The following EPHA6 variants were observed in gnomAD, a reference collection of about 807,000 sequenced individuals.
EPHA6 encodes ephrin type-A receptor 6.
A neutral mutation model predicts 112.0 loss-of-function variants in EPHA6; 50 were observed. The ratio of observed to expected loss-of-function variants is 0.45; its 90% CI spans 0.36 to 0.56. The LOEUF is 0.56. EPHA6 is among the 20% of genes least tolerant of loss of function. The pLI is 0.00. For missense variants in EPHA6, 1,280 were observed against 1,417.4 expected (o/e 0.90, Z 1.56); for synonymous variants, 529 against 490.7 (o/e 1.08, Z -1.03).
At chr3:97,213,211 G>A (rs190910897) in intron 3 of EPHA6, among the ~76,000 whole-genome samples, 115 of 152,228 alleles carry the variant, frequency 7.6e-4, no homozygotes, top group African/African-American at 2.6e-3. Flanking sequence ...GAAGGCTGAG[G>A]CTTTATTTCC....
intron 14 of EPHA6, among the ~76,000 whole-genome samples, chr3:97,686,416 G>T (rs2032254915): frequency 6.6e-6 from 1 of 152,038 alleles, no homozygotes; most frequent in Non-Finnish European, 1.5e-5. Context: ...GAGATAAACA[G>T]AAATAAGATC....
At chr3:97,481,552 G>A (rs878977398) in intron 9 of EPHA6, 7 of 719,672 alleles carry the variant, frequency 9.7e-6, no homozygotes, top group South Asian at 5.6e-5. Context: ...TAGAGCCGCC[G>A]GGGCGCGGCG....
At position 96,947,864 on chromosome 3, in the gene EPHA6, C is replaced by T. The variant is rs141286727; in HGVS notation, c.451-39466C>T. On this transcript the variant is annotated intron_variant, in intron 2 of 17. Coordinates refer to ENST00000389672, the MANE Select transcript of EPHA6 (RefSeq NM_001080448.3). ...ATTCAATGCCATCCCCATCAAGCTA[C>T]CAATGACTTTCTTCACAGAATTGGA... Among the ~76,000 whole-genome samples the T allele has an allele frequency of 2.2e-4, 33 of 152,248 alleles. No homozygotes were observed. The East Asian group carries it at 6.4e-3, about 29-fold the overall frequency.
rs149056951 is a variant in EPHA6 at position 97,142,892 on chromosome 3, G to A, written c.1115-83372G>A. Among the ~76,000 whole-genome samples, 701 of 151,908 alleles carry A rather than the reference G, an allele frequency of 4.6e-3. 3 individuals carry two copies. The highest frequency in any genetic ancestry group is 6.2e-3 in the Non-Finnish European group (418 of 67,786). On this transcript the variant is annotated intron_variant, in intron 3 of 17. Transcript: ENST00000389672. ...AGAACATCATACTGAATTGAGAAAA[G>A]CTGAAATAATTTCCTCTGAGAACCG...
intron 2 of EPHA6, among the ~76,000 whole-genome samples, chr3:96,961,948 G>T (rs926883156): frequency 1.3e-5 from 2 of 152,152 alleles, no homozygotes; most frequent in Non-Finnish European, 2.9e-5. Flanking sequence ...CTGCAGTAAA[G>T]GGTGCTTTAT....
At chr3:97,480,557 A>G (rs2091503242) in intron 9 of EPHA6, among the ~76,000 whole-genome samples, 1 of 152,220 alleles carries the variant, frequency 6.6e-6, no homozygotes, top group South Asian at 2.1e-4. Flanking sequence ...GGGTAAGGTT[A>G]TAGATTAACA....
At chr3:96,956,411 G>A (rs146479427) in intron 2 of EPHA6, among the ~76,000 whole-genome samples, 1 of 152,302 alleles carries the variant, frequency 6.6e-6, no homozygotes, top group African/African-American at 2.4e-5. Flanking sequence ...GGAAACAATA[G>A]CACACTTACC....
In EPHA6 at chr3:97,105,600, T is replaced by G. The variant is rs530112918; in HGVS notation, c.1114+117607T>G. 1.1e-3 allele frequency among the ~76,000 whole-genome samples: 161 copies of G among 152,258 alleles called. 1 individual carries two copies. The highest frequency in any genetic ancestry group is 3.7e-3 in the African/African-American group (152 of 41,560). On this transcript the variant is annotated intron_variant, in intron 3 of 17. Transcript: ENST00000389672. Reference sequence around the variant, plus strand: ...GTGATCAGTTTTAGAGTATGTGCCATGTGACAATGAGAAGAATGTATATTC... The same window carrying G: ...GTGATCAGTTTTAGAGTATGTGCCAGGTGACAATGAGAAGAATGTATATTC...
intron 3 of EPHA6, among the ~76,000 whole-genome samples, chr3:97,218,097 C>A (rs923187697): frequency 1.3e-5 from 2 of 152,020 alleles, no homozygotes; most frequent in African/African-American, 4.8e-5. Context: ...TATGGCAAAA[C>A]CCCCTCTCTA....
intron 4 of EPHA6, among the ~76,000 whole-genome samples, chr3:97,240,640 T>A (rs1390999156): frequency 4.0e-5 from 6 of 151,830 alleles, no homozygotes; most frequent in Non-Finnish European, 8.8e-5. Context: ...CATAAATCTG[T>A]ACTGGTTGAT....
rs1426095890 is a variant in EPHA6 at position 97,699,959 on chromosome 3, A to G, written c.2785-20302A>G. ...CAAGTTCCCTGGAAAACAGAACTTC[A>G]GAATTTTAAATGATGATGCTTTATT... is the stretch of plus-strand genomic sequence containing the variant. On this transcript the variant is annotated intron_variant, in intron 14 of 17. Coordinates refer to ENST00000389672, the MANE Select transcript of EPHA6 (RefSeq NM_001080448.3). 5.3e-5 allele frequency among the ~76,000 whole-genome samples: 8 copies of G among 152,262 alleles called. No homozygotes were observed. In the East Asian group the frequency reaches 1.5e-3, roughly 29 times the overall value.
chr3:96,903,651 A>G (rs1272413768), intron 2 of EPHA6, among the ~76,000 whole-genome samples: 1 of 152,140 alleles, frequency 6.6e-6, no homozygotes, highest in African/African-American at 2.4e-5. Context: ...TTTTAGAGAA[A>G]TAGTTTTGCA....
At chr3:97,129,386 C>A (rs1428466940) in intron 3 of EPHA6, among the ~76,000 whole-genome samples, 1 of 151,930 alleles carries the variant, frequency 6.6e-6, no homozygotes, top group Non-Finnish European at 1.5e-5. Context: ...CCTGTAGTCC[C>A]AGCTACTCAG....
intron 5 of EPHA6, among the ~76,000 whole-genome samples, chr3:97,314,928 G>A (rs2081745021): frequency 6.6e-6 from 1 of 151,380 alleles, no homozygotes; most frequent in Admixed American, 6.6e-5. Context: ...GTGTTTCATT[G>A]GCAGCACAGA....
At chr3:97,336,324 G>A (rs1288528689) in intron 5 of EPHA6, among the ~76,000 whole-genome samples, 5 of 152,156 alleles carry the variant, frequency 3.3e-5, no homozygotes, top group Non-Finnish European at 7.3e-5. Flanking sequence ...AAGATATGGA[G>A]TTAGTTAGGT....
intron 5 of EPHA6, among the ~76,000 whole-genome samples, chr3:97,286,732 T>A (rs972968630): frequency 6.6e-6 from 1 of 152,030 alleles, no homozygotes; most frequent in African/African-American, 2.4e-5. Context: ...GGACTCTTTT[T>A]AAATTCCAAA....
At chr3:97,094,070 T>A (rs763065103) in intron 3 of EPHA6, among the ~76,000 whole-genome samples, 3 of 152,154 alleles carry the variant, frequency 2.0e-5, no homozygotes, top group Non-Finnish European at 2.9e-5. Context: ...AGAAAACCTA[T>A]ACTAGTCACA....
intron 5 of EPHA6, among the ~76,000 whole-genome samples, chr3:97,373,507 T>C (rs2085182767): frequency 1.3e-5 from 2 of 152,114 alleles, no homozygotes; most frequent in South Asian, 4.1e-4. Flanking sequence ...CTTTAAAAGA[T>C]AAGGTAAGAT....
intron 5 of EPHA6, among the ~76,000 whole-genome samples, chr3:97,363,777 G>A (rs1384022258): frequency 2.0e-5 from 3 of 151,918 alleles, no homozygotes; most frequent in Non-Finnish European, 4.4e-5. Context: ...AAGATGAATG[G>A]ATAAACAAAG....
Sources: allele counts gnomAD v4.1 joint callset (sites outside exome capture counted in the v4.1 genomes callset), GRCh38; gene constraint gnomAD v4.1.1; transcripts MANE v1.5; gene names NCBI Gene and HGNC (gene_info 2026-07-23, HGNC 2026-07-21).